The following KAZN variants were observed in gnomAD, a reference collection of about 807,000 sequenced individuals.
KAZN encodes kazrin, periplakin interacting protein, also known as kazrin.
A neutral mutation model predicts 87.4 loss-of-function variants in KAZN; 40 were observed. The ratio of observed to expected loss-of-function variants is 0.46; its 90% CI spans 0.36 to 0.60. The LOEUF is 0.60. Ranked by LOEUF, KAZN falls within the 20% of genes least tolerant of loss-of-function variation. KAZN has a pLI of 0.00. For synonymous variants in KAZN, 466 were observed against 458.3 expected, an observed-to-expected ratio of 1.02 and a Z score of -0.22; for missense variants, 898 against 1,073.9, an observed-to-expected ratio of 0.84 and a Z score of 2.29.
chr1:14,153,021 C>T (rs1203091900), intron 1 of KAZN, among the ~76,000 whole-genome samples: 1 of 152,062 alleles, frequency 6.6e-6, no homozygotes, highest in Non-Finnish European at 1.5e-5. Flanking sequence ...AGATCTTTCG[C>T]CCACTTAAAA....
chr1:13,977,703 A>G (rs1638430872), intron 1 of KAZN, among the ~76,000 whole-genome samples: 1 of 152,224 alleles, frequency 6.6e-6, no homozygotes, highest in South Asian at 2.1e-4. Flanking sequence ...TGTTGCTAAC[A>G]TGGGGAGACA....
chr1:14,712,215 A>G (rs1412789026), intron 1 of KAZN, among the ~76,000 whole-genome samples: 2 of 152,172 alleles, frequency 1.3e-5, no homozygotes. Context: ...ATCACCCTGG[A>G]CACCATACAG....
At chr1:13,918,780 A>G (rs978357914) in intron 1 of KAZN, among the ~76,000 whole-genome samples, 1 of 152,224 alleles carries the variant, frequency 6.6e-6, no homozygotes, top group African/African-American at 2.4e-5. Context: ...GGAGTACTCC[A>G]CCAGTAAAAA....
intron 2 of KAZN, among the ~76,000 whole-genome samples, chr1:14,357,885 T>C (rs189504916): frequency 3.3e-5 from 5 of 152,330 alleles, no homozygotes; most frequent in African/African-American, 1.2e-4. Flanking sequence ...TGAAACTTTC[T>C]TTTTCAGTTG....
At chr1:14,929,499 C>A (rs1557631042) in intron 1 of KAZN, among the ~76,000 whole-genome samples, 1 of 152,162 alleles carries the variant, frequency 6.6e-6, no homozygotes, top group Non-Finnish European at 1.5e-5. Flanking sequence ...GAAAATAGCA[C>A]CCCTGGCTCT....
chr1:14,616,642 T>G (rs935056778), intron 1 of KAZN, among the ~76,000 whole-genome samples: 11 of 152,214 alleles, frequency 7.2e-5, no homozygotes, highest in Non-Finnish European at 1.6e-4. Context: ...GCCCATCACC[T>G]ATACCTCTTG....
At chr1:14,356,690 C>G (rs1659057252) in intron 2 of KAZN, among the ~76,000 whole-genome samples, 1 of 152,148 alleles carries the variant, frequency 6.6e-6, no homozygotes, top group Non-Finnish European at 1.5e-5. Context: ...GGAATCCTTT[C>G]CCCATTGCTT....
intron 1 of KAZN, among the ~76,000 whole-genome samples, chr1:14,140,594 C>G (rs1431726777): frequency 2.6e-5 from 4 of 151,960 alleles, no homozygotes; most frequent in African/African-American, 7.3e-5. Context: ...AGAAAAAGAG[C>G]CCAATCATTC....
chr1:14,457,791 A>G (rs1667643653), intron 2 of KAZN, among the ~76,000 whole-genome samples: 1 of 151,682 alleles, frequency 6.6e-6, no homozygotes, highest in Admixed American at 6.6e-5. Flanking sequence ...ATGGAAGTGT[A>G]GAATATTCTT....
chr1:14,796,576 GT>G (rs1195650263), intron 1 of KAZN, among the ~76,000 whole-genome samples: 1 of 152,198 alleles, frequency 6.6e-6, no homozygotes, highest in Admixed American at 6.5e-5. Context: ...TCCAGGATGC[GT>G]TTCTGTTACA....
At chr1:14,845,839 T>A (rs1648687166) in intron 1 of KAZN, among the ~76,000 whole-genome samples, 1 of 151,992 alleles carries the variant, frequency 6.6e-6, no homozygotes, top group Admixed American at 6.6e-5. Flanking sequence ...TGGAGAGTGG[T>A]CAGACCTCGA....
intron 1 of KAZN, among the ~76,000 whole-genome samples, chr1:14,940,551 A>G (rs937539382): frequency 3.9e-4 from 59 of 152,196 alleles, no homozygotes; most frequent in African/African-American, 1.4e-3. Flanking sequence ...TTGGGAGCAC[A>G]GGGCTTCTTG....
chr1:14,044,657 T>C (rs1317698610), intron 1 of KAZN, among the ~76,000 whole-genome samples: 1 of 152,092 alleles, frequency 6.6e-6, no homozygotes, highest in Non-Finnish European at 1.5e-5. Context: ...AAAATGGGAA[T>C]TGGTAAATGA....
At chr1:14,462,406 C>A (rs1667904503) in intron 2 of KAZN, among the ~76,000 whole-genome samples, 1 of 152,080 alleles carries the variant, frequency 6.6e-6, no homozygotes, top group South Asian at 2.1e-4. Context: ...TTGTATATTT[C>A]AAAAGTAATA....
At chr1:13,976,293 G>A (rs190412786) in intron 1 of KAZN, among the ~76,000 whole-genome samples, 1 of 152,176 alleles carries the variant, frequency 6.6e-6, no homozygotes, top group African/African-American at 2.4e-5. Context: ...ATAAAAATCT[G>A]TAATGTAACG....
At chr1:14,978,669 C>T (rs1256095012) in intron 2 of KAZN, among the ~76,000 whole-genome samples, 1 of 152,114 alleles carries the variant, frequency 6.6e-6, no homozygotes, top group African/African-American at 2.4e-5. Context: ...TACTGGCCAC[C>T]GAGCGCATCT....
intron 2 of KAZN, among the ~76,000 whole-genome samples, chr1:14,493,442 G>A (rs549991991): frequency 1.1e-4 from 17 of 152,010 alleles, no homozygotes; most frequent in South Asian, 8.3e-4. Flanking sequence ...ATTCACATCC[G>A]ACTCACCACT....
chr1:14,828,540 G>C (rs988424510), intron 1 of KAZN, among the ~76,000 whole-genome samples: 1 of 152,156 alleles, frequency 6.6e-6, no homozygotes, highest in Non-Finnish European at 1.5e-5. Context: ...GAACCAAGAG[G>C]AGAGATTCCT....
chr1:14,168,362 C>A (rs988322138), intron 1 of KAZN, among the ~76,000 whole-genome samples: 28 of 152,140 alleles, frequency 1.8e-4, no homozygotes, highest in African/African-American at 6.5e-4. Flanking sequence ...GGCAGGAAGG[C>A]AGAGTGGTGC....
Sources: gnomAD v4.1 joint callset for allele counts (sites outside exome capture counted in the v4.1 genomes callset) on GRCh38, gnomAD v4.1.1 for gene constraint, MANE v1.5 for transcripts, NCBI Gene and HGNC (gene_info 2026-07-23, HGNC 2026-07-21) for gene names.